Variants in CDKAL1 observed in about 807,000 individuals in gnomAD.
CDKAL1 encodes CDKAL1 threonylcarbamoyladenosine tRNA methylthiotransferase, also known as threonylcarbamoyladenosine tRNA methylthiotransferase.
In CDKAL1, 32 loss-of-function variants were observed where a neutral mutation model predicts 68.2. That is an observed-to-expected ratio of 0.47 (90% CI 0.35 to 0.63). The LOEUF (loss-of-function observed/expected upper bound fraction) is 0.63, where lower values mean the gene tolerates loss of function less well. Among genes scored for constraint, CDKAL1 ranks in the 30% least tolerant of loss-of-function variants. CDKAL1 has a pLI of 0.00. For synonymous variants in CDKAL1, 234 were observed against 244.3 expected, an observed-to-expected ratio of 0.96 and a Z score of 0.39; for missense variants, 606 against 696.7, an observed-to-expected ratio of 0.87 and a Z score of 1.47.
At chr6:20,641,119 G>A (rs1234544587) in intron 4 of CDKAL1, among the ~76,000 whole-genome samples, 1 of 152,088 alleles carries the variant, frequency 6.6e-6, no homozygotes, top group African/African-American at 2.4e-5. Flanking sequence ...GAGTCCAAAA[G>A]CTTTTAGCAG....
At chr6:20,916,934 T>G (rs1261917867) in intron 9 of CDKAL1, among the ~76,000 whole-genome samples, 1 of 152,154 alleles carries the variant, frequency 6.6e-6, no homozygotes, top group Non-Finnish European at 1.5e-5. Context: ...TTAATAATGT[T>G]GTTACTGAAG....
chr6:21,155,186 A>T (rs1290274553), intron 13 of CDKAL1, among the ~76,000 whole-genome samples: 1 of 152,238 alleles, frequency 6.6e-6, no homozygotes, highest in Non-Finnish European at 1.5e-5. Flanking sequence ...AATCCTTTAG[A>T]AAACATTTAG....
At chr6:20,954,772 C>T (rs928249902) in intron 9 of CDKAL1, among the ~76,000 whole-genome samples, 1 of 152,062 alleles carries the variant, frequency 6.6e-6, no homozygotes, top group Non-Finnish European at 1.5e-5. Context: ...TATACATTTT[C>T]CTAAAGTCTG....
At chr6:20,973,607 TTTTG>T (rs890046257) in intron 10 of CDKAL1, among the ~76,000 whole-genome samples, 15 of 152,102 alleles carry the variant, frequency 9.9e-5, no homozygotes, top group Admixed American at 2.6e-4. Flanking sequence ...ATGGGTCATC[TTTTG>T]TTTGTTTGTT....
At chr6:21,178,573 T>C (rs888412809) in intron 13 of CDKAL1, among the ~76,000 whole-genome samples, 1 of 152,194 alleles carries the variant, frequency 6.6e-6, no homozygotes, top group African/African-American at 2.4e-5. Context: ...GAGGATCACA[T>C]GGTGAAAGGT....
chr6:20,849,576 C>A (rs951224784), intron 9 of CDKAL1, among the ~76,000 whole-genome samples: 21 of 80,484 alleles, frequency 2.6e-4, no homozygotes, highest in Non-Finnish European at 4.4e-4. Context: ...GAGCAAGACT[C>A]CGTCTCAAAA....
chr6:20,880,250 A>T (rs891178363), intron 9 of CDKAL1, among the ~76,000 whole-genome samples: 1 of 123,892 alleles, frequency 8.1e-6, no homozygotes, highest in Non-Finnish European at 1.7e-5. Flanking sequence ...CATCAAAGAA[A>T]CTACATTTTT....
rs1582435059 is a variant in CDKAL1 at position 21,216,451 on chromosome 6, G to A, written c.1549-14397G>A. 5.3e-5 allele frequency among the ~76,000 whole-genome samples: 8 copies of A among 152,210 alleles called. 2 individuals carry two copies. Among genetic ancestry groups the A allele is most frequent in the Admixed American group, 5.2e-4 (8 of 15,300 alleles). ...CCACTAAACTATAGCCTGGACCACA[G>A]AGAAAGATCCGGTCTCCAGAAAAAA... On this transcript the variant is annotated intron_variant, in intron 15 of 15. Transcript: ENST00000274695.
At chr6:21,162,941 T>A (rs562086105) in intron 13 of CDKAL1, among the ~76,000 whole-genome samples, 1 of 151,524 alleles carries the variant, frequency 6.6e-6, no homozygotes, top group Non-Finnish European at 1.5e-5. Context: ...CTCATCTTGA[T>A]GGAAGAAAGA....
rs149017319 is a variant in CDKAL1, at chr6:21,170,946, A to G, written c.1300-27075A>G. The stretch of plus-strand genomic sequence containing the variant: ...TAATACTAAATGAAAAGTTGAAGTA[A>G]TATTGTCACCATCACCACGCAGGGA... On this transcript the variant is annotated intron_variant, in intron 13 of 15. Coordinates refer to ENST00000274695, the MANE Select transcript of CDKAL1 (RefSeq NM_017774.3). 2.6e-4 allele frequency among the ~76,000 whole-genome samples: 40 copies of G among 152,326 alleles called. No individual in the cohort carries two copies. In the East Asian group the frequency reaches 7.1e-3, roughly 27 times the overall value.
chr6:21,218,906 G>A (rs1779434605), intron 15 of CDKAL1, among the ~76,000 whole-genome samples: 1 of 152,158 alleles, frequency 6.6e-6, no homozygotes, highest in Non-Finnish European at 1.5e-5. Context: ...CTTCAGGGCT[G>A]CCTACCATAC....
At chr6:21,044,358 T>C (rs1409937470) in intron 11 of CDKAL1, among the ~76,000 whole-genome samples, 1 of 152,190 alleles carries the variant, frequency 6.6e-6, no homozygotes, top group African/African-American at 2.4e-5. Flanking sequence ...TCAGTTATCA[T>C]TGATGGGATT....
intron 5 of CDKAL1, among the ~76,000 whole-genome samples, chr6:20,692,748 C>G (rs987474300): frequency 1.3e-5 from 2 of 151,770 alleles, no homozygotes; most frequent in Non-Finnish European, 2.9e-5. Flanking sequence ...AAAAAAAAAC[C>G]CTAACCTACT....
At chr6:20,666,357 T>C (rs901956344) in intron 5 of CDKAL1, among the ~76,000 whole-genome samples, 1 of 152,040 alleles carries the variant, frequency 6.6e-6, no homozygotes, top group African/African-American at 2.4e-5. Context: ...GGTAGAAGTT[T>C]GAATTGCTAT....
intron 4 of CDKAL1, among the ~76,000 whole-genome samples, chr6:20,562,707 A>C (rs2127670292): frequency 6.6e-6 from 1 of 151,160 alleles, no homozygotes; most frequent in East Asian, 1.9e-4. Context: ...ATGCCACTAC[A>C]CTCCAGCCTG....
chr6:20,844,902 C>G (rs191026821), intron 8 of CDKAL1, among the ~76,000 whole-genome samples: 1 of 152,180 alleles, frequency 6.6e-6, no homozygotes, highest in Non-Finnish European at 1.5e-5. Context: ...TAAGAGAAGC[C>G]ACAATTTGTG....
intron 4 of CDKAL1, among the ~76,000 whole-genome samples, chr6:20,571,152 A>G (rs973987177): frequency 3.3e-5 from 5 of 152,194 alleles, no homozygotes; most frequent in African/African-American, 1.2e-4. Context: ...AGAATAAGAA[A>G]AAACTCGATG....
At position 20,609,377 on chromosome 6, in the gene CDKAL1, CT is replaced by C. The variant is rs1766500914; in HGVS notation, c.287-39914del. Among the ~76,000 whole-genome samples, 5 of 29,168 alleles carry C rather than the reference CT, an allele frequency of 1.7e-4. No individual in the cohort carries two copies. The African/African-American group carries it at 1.8e-3, about 10-fold the overall frequency. 19.1% of individuals were successfully genotyped at this position (29,168 alleles called of 152,430 possible). On this transcript the variant is annotated intron_variant, in intron 4 of 15. Coordinates refer to ENST00000274695, the MANE Select transcript of CDKAL1 (RefSeq NM_017774.3). ...CTCCTCCCTTCTTCTCCTTCTCCTT[CT>C]TCTTCTTCTTCTTCTTCTTCTTCTT...
intron 9 of CDKAL1, among the ~76,000 whole-genome samples, chr6:20,916,836 C>G (rs2150638013): frequency 6.6e-6 from 1 of 152,174 alleles, no homozygotes; most frequent in East Asian, 1.9e-4. Flanking sequence ...AAAGGTCTCA[C>G]TGTGTATAAA....
Sources: gnomAD v4.1 joint callset for allele counts (sites outside exome capture counted in the v4.1 genomes callset) on GRCh38, gnomAD v4.1.1 for gene constraint, MANE v1.5 for transcripts, NCBI Gene and HGNC (gene_info 2026-07-23, HGNC 2026-07-21) for gene names.